MECOM: variants seen among roughly 807,000 people sequenced by gnomAD.
The protein encoded by MECOM is histone-lysine N-methyltransferase MECOM.
MECOM carries 13 observed loss-of-function variants against 116.3 expected under a neutral mutation model. That is an observed-to-expected ratio of 0.11 (90% CI 0.07 to 0.18). The LOEUF (loss-of-function observed/expected upper bound fraction) is 0.18, where lower values mean the gene tolerates loss of function less well. Ranked by LOEUF, MECOM falls within the 10% of genes least tolerant of loss-of-function variation. The pLI is 1.00. For missense variants in MECOM, 1,299 were observed against 1,509.0 expected, an observed-to-expected ratio of 0.86 and a Z score of 2.31; for synonymous variants, 528 against 535.2, an observed-to-expected ratio of 0.99 and a Z score of 0.19.
intron 1 of MECOM, among the ~76,000 whole-genome samples, chr3:169,574,707 T>G (rs1433188214): frequency 8.5e-5 from 13 of 152,228 alleles, no homozygotes. Flanking sequence ...CTGATATTCT[T>G]GATTGGCTTC....
chr3:169,516,582 G>A (rs924888450), intron 1 of MECOM, among the ~76,000 whole-genome samples: 19 of 151,884 alleles, frequency 1.3e-4, no homozygotes, highest in African/African-American at 3.4e-4. Flanking sequence ...CTCTTGACTC[G>A]GAGACTCAGG....
At chr3:169,443,523 A>G (rs1744089266) in intron 1 of MECOM, among the ~76,000 whole-genome samples, 1 of 152,170 alleles carries the variant, frequency 6.6e-6, no homozygotes, top group Non-Finnish European at 1.5e-5. Context: ...ACAAAACAAA[A>G]AACAGAATGC....
intron 2 of MECOM, among the ~76,000 whole-genome samples, chr3:169,217,990 CTAAT>C (rs1306932228): frequency 6.6e-6 from 1 of 151,626 alleles, no homozygotes; most frequent in Non-Finnish European, 1.5e-5. Flanking sequence ...ATCAGTGACT[CTAAT>C]TAAATATTTT....
chr3:169,237,552 T>C (rs139674948), intron 2 of MECOM, among the ~76,000 whole-genome samples: 4 of 139,542 alleles, frequency 2.9e-5, no homozygotes, highest in Middle Eastern at 4.2e-3. Context: ...CCTACTAGAA[T>C]GCATGCTTCA....
intron 2 of MECOM, among the ~76,000 whole-genome samples, chr3:169,310,980 T>C (rs1718655033): frequency 6.6e-6 from 1 of 152,152 alleles, no homozygotes; most frequent in Admixed American, 6.5e-5. Flanking sequence ...AAGGGAGACA[T>C]CTGATTAAGA....
In MECOM at chr3:169,475,125, A is replaced by C. The variant is rs143312161; in HGVS notation, c.38-93601T>G. Among the ~76,000 whole-genome samples, 868 of 152,340 alleles carry C rather than the reference A, an allele frequency of 5.7e-3. 6 individuals are homozygous for C. Among genetic ancestry groups the C allele is most frequent in the African/African-American group, 0.02 (837 of 41,572 alleles). On this transcript the variant is annotated intron_variant, in intron 1 of 16. Coordinates refer to ENST00000651503, the MANE Select transcript of MECOM (RefSeq NM_004991.4). ...CAGAGTCCATGTATTTATTGGTAAC[A>C]AATGCACATACAAATCACTTGAAAT... is the stretch of plus-strand genomic sequence containing the variant.
intron 2 of MECOM, among the ~76,000 whole-genome samples, chr3:169,363,697 C>A (rs1381952574): frequency 1.3e-5 from 2 of 151,752 alleles, no homozygotes; most frequent in African/African-American, 4.8e-5. Context: ...GTCAGCCTGG[C>A]CGAAAAACTG....
chr3:169,457,064 A>G (rs899667229), intron 1 of MECOM, among the ~76,000 whole-genome samples: 14 of 152,108 alleles, frequency 9.2e-5, no homozygotes, highest in Non-Finnish European at 2.1e-4. Flanking sequence ...ACTCATTGCC[A>G]TCCAATCCCT....
At chr3:169,576,705 G>C (rs1764535040) in intron 1 of MECOM, among the ~76,000 whole-genome samples, 1 of 151,830 alleles carries the variant, frequency 6.6e-6, no homozygotes, top group African/African-American at 2.4e-5. Flanking sequence ...TGAGAGTGGG[G>C]TTGAAACTTG....
chr3:169,280,353 AC>A (rs1461209667), intron 2 of MECOM, among the ~76,000 whole-genome samples: 1 of 152,200 alleles, frequency 6.6e-6, no homozygotes, highest in South Asian at 2.1e-4. Flanking sequence ...CTATTTACCA[AC>A]CTCACATACT....
chr3:169,345,526 A>G (rs1725204069), intron 2 of MECOM, among the ~76,000 whole-genome samples: 1 of 152,138 alleles, frequency 6.6e-6, no homozygotes. Flanking sequence ...CTGGGTAGCA[A>G]AAACTCCTCA....
At chr3:169,485,975 T>C (rs1420803081) in intron 1 of MECOM, among the ~76,000 whole-genome samples, 1,689 of 67,632 alleles carry the variant, frequency 0.025, 36 homozygotes, top group Admixed American at 0.033. Context: ...TATATATACA[T>C]ATATATATAG....
At chr3:169,494,853 G>A (rs1049250125) in intron 1 of MECOM, among the ~76,000 whole-genome samples, 1 of 152,208 alleles carries the variant, frequency 6.6e-6, no homozygotes, top group Admixed American at 6.5e-5. Flanking sequence ...CAGCCATGGT[G>A]CCATTCACCT....
At chr3:169,402,301 G>A (rs1479089649) in intron 1 of MECOM, among the ~76,000 whole-genome samples, 1 of 152,140 alleles carries the variant, frequency 6.6e-6, no homozygotes, top group Non-Finnish European at 1.5e-5. Flanking sequence ...ACAACGAAGT[G>A]ATTAGAATAC....
intron 2 of MECOM, among the ~76,000 whole-genome samples, chr3:169,185,199 T>C (rs950166416): frequency 1.3e-5 from 2 of 152,156 alleles, no homozygotes; most frequent in Non-Finnish European, 2.9e-5. Flanking sequence ...TGAATGGACA[T>C]GACCCAGGAG....
chr3:169,277,810 G>A (rs1425424529), intron 2 of MECOM, among the ~76,000 whole-genome samples: 1 of 152,168 alleles, frequency 6.6e-6, no homozygotes, highest in Non-Finnish European at 1.5e-5. Context: ...AAATATGACT[G>A]TAACAAGGGA....
At chr3:169,576,452 G>A (rs566102901) in intron 1 of MECOM, among the ~76,000 whole-genome samples, 2 of 152,162 alleles carry the variant, frequency 1.3e-5, no homozygotes, top group African/African-American at 2.4e-5. Context: ...GAACAGTGTG[G>A]CACATCAAAA....
At chr3:169,505,779 T>C (rs1418933872) in intron 1 of MECOM, among the ~76,000 whole-genome samples, 1 of 152,238 alleles carries the variant, frequency 6.6e-6, no homozygotes, top group African/African-American at 2.4e-5. Context: ...ATGGCACTGT[T>C]TGGAGGCCAC....
At chr3:169,443,257 G>T (rs1161613073) in intron 1 of MECOM, among the ~76,000 whole-genome samples, 1 of 151,984 alleles carries the variant, frequency 6.6e-6, no homozygotes, top group African/African-American at 2.4e-5. Context: ...CACCATCAAA[G>T]ATTCCATTCA....
Sources: allele counts gnomAD v4.1 joint callset (sites outside exome capture counted in the v4.1 genomes callset), GRCh38; gene constraint gnomAD v4.1.1; transcripts MANE v1.5; gene names NCBI Gene and HGNC (gene_info 2026-07-23, HGNC 2026-07-21).